The following ST18 variants were observed in gnomAD, a reference collection of about 807,000 sequenced individuals.
ST18 encodes the protein suppression of tumorigenicity 18 protein.
A neutral mutation model predicts 110.0 loss-of-function variants in ST18; 50 were observed. That is an observed-to-expected ratio of 0.45 (90% CI 0.36 to 0.58). The LOEUF is 0.58. ST18 is among the 20% of genes least tolerant of loss of function. The pLI, the probability that ST18 is intolerant of heterozygous loss-of-function variation, is 0.00. For synonymous variants in ST18, 461 were observed against 452.4 expected (o/e 1.02, Z -0.24); for missense variants, 1,306 against 1,280.1 (o/e 1.02, Z -0.31).
chr8:52,357,676 AATATATATAT>A (rs71252934), intron 2 of ST18, among the ~76,000 whole-genome samples: 542 of 38,372 alleles, frequency 0.014, 2 homozygotes, highest in Middle Eastern at 0.022. Context: ...AAAATCTATA[AATATATATAT>A]ATATATATAT....
intron 8 of ST18, among the ~76,000 whole-genome samples, chr8:52,202,516 C>T (rs1231427767): frequency 6.6e-6 from 1 of 151,968 alleles, no homozygotes; most frequent in African/African-American, 2.4e-5. Flanking sequence ...AATGGGTGGA[C>T]AGATGGATGA....
rs551425659 is a variant in ST18, at chr8:52,288,439, C to T, written c.-464-58362G>A. Reference sequence around the variant, plus strand: ...TAATAGGCTGGGCATAGTACTCATGCGTATAATCCCAGCACTTTGAGAGAC... The same window carrying T: ...TAATAGGCTGGGCATAGTACTCATGTGTATAATCCCAGCACTTTGAGAGAC... On this transcript the variant is annotated intron_variant, in intron 2 of 25. Coordinates refer to ENST00000689386, the MANE Select transcript of ST18 (RefSeq NM_001352837.2). 3.7e-4 allele frequency among the ~76,000 whole-genome samples: 56 copies of T among 152,218 alleles called. 1 individual carries two copies. Among genetic ancestry groups the T allele is most frequent in the African/African-American group, 3.4e-4 (14 of 41,536 alleles).
intron 2 of ST18, among the ~76,000 whole-genome samples, chr8:52,268,536 A>ATCTATCTG: frequency 1.0e-5 from 1 of 95,818 alleles, no homozygotes; most frequent in African/African-American, 2.9e-5. Context: ...ACTATCTATC[A>ATCTATCTG]TCTATCTATC....
chr8:52,264,734 A>G (rs972401475), intron 2 of ST18, among the ~76,000 whole-genome samples: 1 of 152,234 alleles, frequency 6.6e-6, no homozygotes, highest in Admixed American at 6.5e-5. Flanking sequence ...GAGAACAAAC[A>G]TAAGTATACT....
chr8:52,148,607 C>A (rs2057999760), intron 16 of ST18, among the ~76,000 whole-genome samples: 1 of 150,166 alleles, frequency 6.7e-6, no homozygotes, highest in African/African-American at 2.4e-5. Flanking sequence ...CTCCAGGTCC[C>A]ATGTCACTGA....
At chr8:52,398,340 A>G (rs528034876) in intron 2 of ST18, among the ~76,000 whole-genome samples, 3 of 152,312 alleles carry the variant, frequency 2.0e-5, no homozygotes, top group South Asian at 2.1e-4. Flanking sequence ...GGCTTTCTGT[A>G]TATAAAATCA....
intron 3 of ST18, among the ~76,000 whole-genome samples, chr8:52,223,654 A>G (rs907281609): frequency 6.6e-6 from 1 of 152,144 alleles, no homozygotes; most frequent in Non-Finnish European, 1.5e-5. Context: ...AAAAAAAAAA[A>G]AAAAATTTAC....
At chr8:52,259,101 G>T (rs1055503964) in intron 2 of ST18, among the ~76,000 whole-genome samples, 4 of 152,162 alleles carry the variant, frequency 2.6e-5, no homozygotes, top group Non-Finnish European at 5.9e-5. Flanking sequence ...TCTCTAGATT[G>T]GGCTATCTTG....
intron 9 of ST18, among the ~76,000 whole-genome samples, chr8:52,177,320 A>G (rs1404352176): frequency 1.3e-5 from 2 of 152,222 alleles, no homozygotes; most frequent in East Asian, 1.9e-4. Flanking sequence ...AGTCTGTGCC[A>G]TAAAGCGGAA....
intron 2 of ST18, among the ~76,000 whole-genome samples, chr8:52,392,358 A>C (rs1839618953): frequency 6.6e-6 from 1 of 152,026 alleles, no homozygotes; most frequent in Admixed American, 6.6e-5. Context: ...GTGATAAAGC[A>C]GGTGGTGATG....
At chr8:52,139,225 T>C (rs551807153) in intron 17 of ST18, among the ~76,000 whole-genome samples, 1 of 152,294 alleles carries the variant, frequency 6.6e-6, no homozygotes, top group South Asian at 2.1e-4. Flanking sequence ...TTCTGAACAT[T>C]ATACAACTGG....
chr8:52,245,502 C>A (rs968546387), intron 2 of ST18, among the ~76,000 whole-genome samples: 1 of 151,942 alleles, frequency 6.6e-6, no homozygotes, highest in African/African-American at 2.4e-5. Flanking sequence ...CATGAAGGAA[C>A]CTCAAAATTT....
intron 16 of ST18, 126 bp from the exon 17 acceptor site, chr8:52,143,171 C>T (rs1401917906): frequency 1.6e-6 from 1 of 638,816 alleles, no homozygotes; most frequent in Non-Finnish European, 2.8e-6. Flanking sequence ...GGCTGAAATA[C>T]CTTAGAGGAT....
At chr8:52,326,898 A>AGTCCAATTGAG (rs1166720510) in intron 2 of ST18, among the ~76,000 whole-genome samples, 1 of 152,154 alleles carries the variant, frequency 6.6e-6, no homozygotes, top group Non-Finnish European at 1.5e-5. Flanking sequence ...CAGCCAATTG[A>AGTCCAATTGAG]CAGCCTGCAA....
At position 52,263,743 on chromosome 8, in the gene ST18, C is replaced by CTT. The variant is rs755461916; in HGVS notation, c.-464-33668_-464-33667dup. ...TACAGGTGTGAGTCACAGTGCCTGG[C>CTT]TTTTTTTTTTTTTTTTTTTTTGAGA... On this transcript the variant is annotated intron_variant, in intron 2 of 25. Transcript: ENST00000689386. 3.7e-4 allele frequency among the ~76,000 whole-genome samples: 35 copies of CTT among 94,592 alleles called. 1 individual carries two copies. The highest frequency in any genetic ancestry group is 8.8e-4 in the African/African-American group (20 of 22,780). 62.1% of individuals were successfully genotyped at this position (94,592 alleles called of 152,430 possible).
intron 8 of ST18, among the ~76,000 whole-genome samples, chr8:52,186,802 A>G (rs1217291340): frequency 6.6e-6 from 1 of 152,232 alleles, no homozygotes; most frequent in Non-Finnish European, 1.5e-5. Flanking sequence ...AGGCAATGAA[A>G]GTGCATACAT....
At chr8:52,219,399 C>G (rs1393192087) in intron 5 of ST18, among the ~76,000 whole-genome samples, 1 of 152,148 alleles carries the variant, frequency 6.6e-6, no homozygotes, top group Non-Finnish European at 1.5e-5. Flanking sequence ...AAACTAAACT[C>G]TAACAAAACC....
At chr8:52,197,482 C>T (rs1320531332) in intron 8 of ST18, among the ~76,000 whole-genome samples, 1 of 152,104 alleles carries the variant, frequency 6.6e-6, no homozygotes, top group Non-Finnish European at 1.5e-5. Context: ...GGGTCAGTCA[C>T]CCCCAGAAGC....
At chr8:52,272,858 T>C (rs942449063) in intron 2 of ST18, among the ~76,000 whole-genome samples, 4 of 152,140 alleles carry the variant, frequency 2.6e-5, no homozygotes, top group African/African-American at 7.2e-5. Context: ...TTGTCTAAAA[T>C]AGTCAAATTT....
Sources: allele counts gnomAD v4.1 joint callset (sites outside exome capture counted in the v4.1 genomes callset), GRCh38; gene constraint gnomAD v4.1.1; transcripts MANE v1.5; gene names NCBI Gene and HGNC (gene_info 2026-07-23, HGNC 2026-07-21).